Variants in C2CD2L observed in about 807,000 individuals in gnomAD.
The protein encoded by C2CD2L is C2CD2 like.
C2CD2L carries 24 observed loss-of-function variants against 69.9 expected under a neutral mutation model. The observed-to-expected ratio is 0.34, with a 90% CI of 0.25 to 0.48. The LOEUF is 0.48. Ranked by LOEUF, C2CD2L falls within the 20% of genes least tolerant of loss-of-function variation. The pLI is 0.99. For missense variants in C2CD2L, 811 were observed against 941.5 expected (o/e 0.86, Z 1.81); for synonymous variants, 367 against 391.0 (o/e 0.94, Z 0.72).
Position 119,110,501 on chromosome 11 carries a change from G to A in C2CD2L, c.451-60G>A. ...GGAGGGGTCTGCTGAACTATTACAG[G>A]GCAGTTCAAAGCAGGGTGAGCACCC... On this transcript the variant is annotated intron_variant, in intron 2 of 13. Transcript: ENST00000648610. This position sits in a 1 kb window ranked among gnomAD's most constrained non-coding sequence, Gnocchi z 5.7. The A allele has an allele frequency of 1.3e-6, 2 of 1,568,878 alleles. No homozygotes were observed. Among genetic ancestry groups the A allele is most frequent in the East Asian group, 2.3e-5 (1 of 43,580 alleles).
At chr11:119,103,717 T>A (rs935203387), upstream of C2CD2L, among the ~76,000 whole-genome samples, 2 of 151,994 alleles carry the variant, frequency 1.3e-5, no homozygotes, top group Non-Finnish European at 2.9e-5. Context: ...ACAAACAAAC[T>A]AAATCAGATG....
upstream of C2CD2L, among the ~76,000 whole-genome samples, chr11:119,103,213 C>A (rs916225899): frequency 6.6e-6 from 1 of 152,104 alleles, no homozygotes; most frequent in East Asian, 1.9e-4. Context: ...TCTTTATTAC[C>A]TTTCATTCCC....
upstream of C2CD2L, among the ~76,000 whole-genome samples, chr11:119,103,531 T>G (rs1946543155): frequency 6.6e-6 from 1 of 152,130 alleles, no homozygotes; most frequent in Admixed American, 6.5e-5. Context: ...ACCCCGTCTC[T>G]ACTGAAAATA....
In C2CD2L at chr11:119,118,210, T is replaced by C. The variant is rs1229278080; in HGVS notation, c.*1954T>C. On this transcript the variant is annotated 3_prime_UTR_variant, in exon 14 of 14. Coordinates refer to ENST00000648610, the MANE Select transcript of C2CD2L (RefSeq NM_001290474.2). Reference sequence around the variant, plus strand: ...CGCATCGCCCAAATAGTGAACATCATACCCAATAGGTAGTTTTTCAACCCT... The same window carrying C: ...CGCATCGCCCAAATAGTGAACATCACACCCAATAGGTAGTTTTTCAACCCT... 6.6e-6 allele frequency: 1 copy of C among 152,184 alleles called. No homozygotes were observed. Among genetic ancestry groups the C allele is most frequent in the South Asian group, 2.1e-4 (1 of 4,822 alleles). 9.4% of individuals were successfully genotyped at this position (152,184 alleles called of 1,614,324 possible). A position where few individuals can be genotyped will look rare whatever the true frequency, so the allele number is the denominator to read the frequency against.
intron 7 of C2CD2L, 192 bp downstream of exon 7, chr11:119,111,821 C>G (rs910361351): frequency 7.2e-5 from 40 of 558,264 alleles, no homozygotes; most frequent in Non-Finnish European, 1.1e-4. Flanking sequence ...GGGTCAATGA[C>G]AAGCTTGAGG....
chr11:119,102,526 C>T (rs1215297970), upstream of C2CD2L, among the ~76,000 whole-genome samples: 2 of 152,136 alleles, frequency 1.3e-5, no homozygotes, highest in African/African-American at 4.8e-5. Flanking sequence ...ACCTTCTGCC[C>T]CAGCTGTAGC....
At chr11:119,111,667 C>A in intron 7 of C2CD2L, 38 bp downstream of exon 7, 2 of 1,411,230 alleles carry the variant, frequency 1.4e-6, no homozygotes, top group Non-Finnish European at 2.0e-6. Context: ...TGCTCCAGAG[C>A]AGAGAGGATC....
rs1946837975 is a variant in C2CD2L at position 119,114,556 on chromosome 11, G to A, written c.1909+191G>A. 1.7e-6 allele frequency: 1 copy of A among 602,302 alleles called. No homozygotes were observed. The highest frequency in any genetic ancestry group is 2.9e-6 in the Non-Finnish European group (1 of 340,852). The allele number at this position is 602,302 out of a possible 1,614,324, so 37.3% of individuals were successfully genotyped here. On this transcript the variant is annotated intron_variant, in intron 13 of 13. Coordinates refer to ENST00000648610, the MANE Select transcript of C2CD2L (RefSeq NM_001290474.2). This position sits in a 1 kb window ranked among gnomAD's most constrained non-coding sequence, Gnocchi z 5.1. ...CCTGGCCTAGATCTGACATGCTTGT[G>A]ATAGGAAGGGATGCCAAATTATTTC... is the stretch of plus-strand genomic sequence containing the variant.
Position 119,110,682 on chromosome 11 carries a change from T to C in C2CD2L, c.570+2T>C. The C allele has an allele frequency of 6.2e-7, 1 of 1,613,718 alleles. No homozygotes were observed. Among genetic ancestry groups the C allele is most frequent in the Non-Finnish European group, 8.5e-7 (1 of 1,179,958 alleles). On this transcript the variant is annotated splice_donor_variant, in intron 3 of 13. Coordinates refer to ENST00000648610, the MANE Select transcript of C2CD2L (RefSeq NM_001290474.2). LOFTEE classifies it high-confidence loss of function. The surrounding 1 kb of genome is among the most constrained non-coding windows in gnomAD (Gnocchi z 5.7). ...ACTCTGACACTGCCACCAACACAGG[T>C]AGAAGGGGATGTGGGAAACTGAGTT...
rs767879925 is a variant in C2CD2L, at chr11:119,112,501, C to G, written c.1104C>G (p.Ala368=). 1 of 1,613,886 alleles carries G rather than the reference C, an allele frequency of 6.2e-7. No homozygotes were observed. Among genetic ancestry groups the G allele is most frequent in the South Asian group, 1.1e-5 (1 of 91,086 alleles). The change falls in exon 9 of 14, where the codon GCC becomes GCG. Residue 368 remains alanine, a synonymous_variant. Coordinates refer to ENST00000648610, the MANE Select transcript of C2CD2L (RefSeq NM_001290474.2). ...SCGDTELLGQ[A]TLPVGSPSRP... ...CCCCAGCCGAACTCCTAGGCCAGGC[C>G]ACACTGCCTGTGGGCTCCCCCTCCA...
rs773668743 is a variant in C2CD2L at position 119,107,699 on chromosome 11, G to T, written c.-43G>T. The T allele has an allele frequency of 1.5e-6, 2 of 1,303,122 alleles. No individual in the cohort carries two copies. The highest frequency in any genetic ancestry group is 1.0e-6 in the Non-Finnish European group (1 of 999,784). The allele number at this position is 1,303,122 out of a possible 1,614,324, so 80.7% of individuals were successfully genotyped here. ...CCGGGCCATGCTCCCCCGGGGCAGC[G>T]GGTGAGCCCCAGCCGGGACCGGGAT... On this transcript the variant is annotated 5_prime_UTR_variant, in exon 1 of 14. Transcript: ENST00000648610. The surrounding 1 kb of genome is among the most constrained non-coding windows in gnomAD (Gnocchi z 5.4).
In C2CD2L at chr11:119,114,636, T is replaced by A; in HGVS notation, c.1909+271T>A. On this transcript the variant is annotated intron_variant, in intron 13 of 13. Transcript: ENST00000648610. This position sits in a 1 kb window ranked among gnomAD's most constrained non-coding sequence, Gnocchi z 5.1. ...GTCTAAGTGCCATTTTTCCTGCCCT[T>A]TAAAAAAAAATTATAAAAATTTATT... 1 of 417,162 alleles carries A rather than the reference T, an allele frequency of 2.4e-6. No homozygotes were observed. Among genetic ancestry groups the A allele is most frequent in the Non-Finnish European group, 4.1e-6 (1 of 244,260 alleles). The allele number at this position is 417,162 out of a possible 1,614,324, so 25.8% of individuals were successfully genotyped here.
upstream of C2CD2L, among the ~76,000 whole-genome samples, chr11:119,104,628 T>C (rs1298740672): frequency 1.3e-5 from 2 of 152,228 alleles, no homozygotes; most frequent in African/African-American, 2.4e-5. Context: ...CAAAGCGTTT[T>C]CCTGAATGCT....
In C2CD2L at chr11:119,116,539, C is replaced by T; in HGVS notation, c.*283C>T. On this transcript the variant is annotated 3_prime_UTR_variant, in exon 14 of 14. Coordinates refer to ENST00000648610, the MANE Select transcript of C2CD2L (RefSeq NM_001290474.2). The stretch of plus-strand genomic sequence containing the variant: ...ATTCCCCAGAAGCATTTGCCTCCTG[C>T]TGAGCCTGGTCCCTGAGCGGAGTCC... The T allele has an allele frequency of 1.8e-6, 1 of 549,286 alleles. No homozygotes were observed. Among genetic ancestry groups the T allele is most frequent in the South Asian group, 2.2e-5 (1 of 44,544 alleles). 34.0% of individuals were successfully genotyped at this position (549,286 alleles called of 1,614,324 possible). A position where few individuals can be genotyped will look rare whatever the true frequency, so the allele number is the denominator to read the frequency against.
chr11:119,108,160 T>A, intron 1 of C2CD2L, 65 bp downstream of exon 1: 1 of 1,148,640 alleles, frequency 8.7e-7, no homozygotes, highest in Non-Finnish European at 1.2e-6. Flanking sequence ...GACTGACTGC[T>A]CGTGCTAGGA....
rs1490769475 is a variant in C2CD2L at position 119,117,302 on chromosome 11, C to A, written c.*1046C>A. ...GAGAAAGGATGGAAGAGACAGGAGGCTCTGGAGTATGAAATTGTAGCAAAA... is the reference window on the plus strand; with the variant it reads ...GAGAAAGGATGGAAGAGACAGGAGGATCTGGAGTATGAAATTGTAGCAAAA... On this transcript the variant is annotated 3_prime_UTR_variant, in exon 14 of 14. Coordinates refer to ENST00000648610, the MANE Select transcript of C2CD2L (RefSeq NM_001290474.2). 3 of 152,340 alleles carry A rather than the reference C, an allele frequency of 2.0e-5. No individual in the cohort carries two copies. Among genetic ancestry groups the A allele is most frequent in the African/African-American group, 4.8e-5 (2 of 41,542 alleles). 9.4% of individuals were successfully genotyped at this position (152,340 alleles called of 1,614,324 possible).
Position 119,116,590 on chromosome 11 carries a change from C to G in C2CD2L, c.*334C>G. On this transcript the variant is annotated 3_prime_UTR_variant, in exon 14 of 14. Transcript: ENST00000648610. ...CAGGGTGCTCAGCTCTTCAGCTGAC[C>G]CTTCTTCCCTTATTTATTCTCTTTT... The G allele has an allele frequency of 2.3e-6, 1 of 433,076 alleles. No homozygotes were observed. The highest frequency in any genetic ancestry group is 2.0e-5 in the African/African-American group (1 of 51,082). The allele number at this position is 433,076 out of a possible 1,614,324, so 26.8% of individuals were successfully genotyped here.
chr11:119,105,617 G>A (rs1273525991), upstream of C2CD2L, among the ~76,000 whole-genome samples: 1 of 150,322 alleles, frequency 6.7e-6, no homozygotes, highest in African/African-American at 2.5e-5. Flanking sequence ...CCCAGCCTGG[G>A]CAACAGTGAC....
At chr11:119,115,977 G>A (rs772365245) in intron 13 of C2CD2L, 68 bp from the exon 14 acceptor site, 10 of 1,283,080 alleles carry the variant, frequency 7.8e-6, no homozygotes, top group East Asian at 7.3e-5. Context: ...ATTCTCCATC[G>A]TGTCTCTGCC....
Sources: gnomAD v4.1 joint callset for allele counts (sites outside exome capture counted in the v4.1 genomes callset) on GRCh38, gnomAD v4.1.1 for gene constraint, Gnocchi (gnomAD v3.1) non-coding constraint, MANE v1.5 for transcripts, NCBI Gene and HGNC (gene_info 2026-07-23, HGNC 2026-07-21) for gene names.